The following SGO2 variants were observed in gnomAD, a reference collection of about 807,000 sequenced individuals.
SGO2 encodes the protein shugoshin 2, also known as shugoshin-like 2.
SGO2 carries 68 observed loss-of-function variants against 99.5 expected under a neutral mutation model. The ratio of observed to expected loss-of-function variants is 0.68; its 90% CI spans 0.56 to 0.84. SGO2 has a LOEUF of 0.84. Among genes scored for constraint, SGO2 ranks in the 40% least tolerant of loss-of-function variants. SGO2 has a pLI of 0.00. For synonymous variants in SGO2, 457 were observed against 487.1 expected, an observed-to-expected ratio of 0.94 and a Z score of 0.81; for missense variants, 1,350 against 1,436.7, an observed-to-expected ratio of 0.94 and a Z score of 0.97.
At chr2:200,571,021 T>G in intron 6 of SGO2, 29 bp from the exon 7 acceptor site, 1 of 1,523,766 alleles carries the variant, frequency 6.6e-7, no homozygotes, top group Non-Finnish European at 8.8e-7. Context: ...ATTACTTGTT[T>G]CTGAGTTTTG....
At chr2:200,551,283 C>T (rs990425622) in intron 5 of SGO2, among the ~76,000 whole-genome samples, 3 of 152,054 alleles carry the variant, frequency 2.0e-5, no homozygotes, top group Admixed American at 6.6e-5. Flanking sequence ...TACACAATGG[C>T]GTATTATTCA....
rs1040410561 is a variant in SGO2, at chr2:200,570,039, T to G, written c.703+147T>G. ...AACTTCTGCCATTTAAAACTGCTGGTGATAGATTTAATTTTAAAGTAAATA... is the reference window on the plus strand; with the variant it reads ...AACTTCTGCCATTTAAAACTGCTGGGGATAGATTTAATTTTAAAGTAAATA... On this transcript the variant is annotated intron_variant, in intron 6 of 8. Coordinates refer to ENST00000357799, the MANE Select transcript of SGO2 (RefSeq NM_152524.6). This position sits in a 1 kb window ranked among gnomAD's most constrained non-coding sequence, Gnocchi z 4.4. The G allele has an allele frequency of 8.6e-6, 5 of 583,008 alleles. No homozygotes were observed. The Admixed American group carries it at 1.7e-4, about 20-fold the overall frequency. 36.1% of individuals were successfully genotyped at this position (583,008 alleles called of 1,614,324 possible). A position where few individuals can be genotyped will look rare whatever the true frequency, so the allele number is the denominator to read the frequency against.
At chr2:200,530,020 G>A (rs2031296438) in intron 1 of SGO2, among the ~76,000 whole-genome samples, 1 of 152,226 alleles carries the variant, frequency 6.6e-6, no homozygotes, top group Non-Finnish European at 1.5e-5. Context: ...GCTAGATTTT[G>A]GTGGCCAGTA....
chr2:200,571,303 TA>T lies in SGO2; in HGVS notation c.958del (p.Thr320LeufsTer26). 1 of 1,613,102 alleles carries T rather than the reference TA, an allele frequency of 6.2e-7. No homozygotes were observed. Among genetic ancestry groups the T allele is most frequent in the South Asian group, 1.1e-5 (1 of 91,022 alleles). ...TAAATGGTCATACTAATGAAACAAATACTGAAATGCAAAGAAATAAACAGGA... is the reference window on the plus strand; with the variant it reads ...TAAATGGTCATACTAATGAAACAAATCTGAAATGCAAAGAAATAAACAGGA... ...EINGHTNETN[T>X]EMQRNKQDLP... On this transcript the variant is annotated frameshift_variant, in exon 7 of 9. Coordinates refer to ENST00000357799, the MANE Select transcript of SGO2 (RefSeq NM_152524.6). LOFTEE classifies it high-confidence loss of function.
intron 5 of SGO2, among the ~76,000 whole-genome samples, chr2:200,556,611 C>T (rs1483878678): frequency 6.6e-6 from 1 of 152,078 alleles, no homozygotes; most frequent in Non-Finnish European, 1.5e-5. Flanking sequence ...AGATATCAAC[C>T]AGAAAGTACT....
chr2:200,577,170 T>C (rs2033696449), intron 8 of SGO2, among the ~76,000 whole-genome samples: 1 of 152,198 alleles, frequency 6.6e-6, no homozygotes, highest in Non-Finnish European at 1.5e-5. Context: ...TTTTTAAAAA[T>C]TTCTCTTTAT....
At chr2:200,551,760 A>G (rs1445107062) in intron 5 of SGO2, among the ~76,000 whole-genome samples, 1 of 151,720 alleles carries the variant, frequency 6.6e-6, no homozygotes, top group Non-Finnish European at 1.5e-5. Context: ...TCCTTTTTCC[A>G]CCCCACTGCA....
Position 200,572,753 on chromosome 2 carries a change from A to C in SGO2, c.2407A>C (p.Lys803Gln), listed in dbSNP as rs2033490353. ...GCAACCTGCTTGTCAAAATGATTCA[A>C]AAATAGGTAAGAAGCCTAGACTAAA... The part of the protein sequence containing the change: ...DMQPACQNDS[K>Q]IGKKPRLNVC... Residue 803 changes from lysine (K) to glutamine (Q), a missense_variant, in exon 7 of 9, where the codon AAA becomes CAA. Coordinates refer to ENST00000357799, the MANE Select transcript of SGO2 (RefSeq NM_152524.6). The C allele has an allele frequency of 1.2e-6, 2 of 1,612,974 alleles. No homozygotes were observed. Among genetic ancestry groups the C allele is most frequent in the Non-Finnish European group, 8.5e-7 (1 of 1,179,452 alleles).
intron 4 of SGO2, among the ~76,000 whole-genome samples, 184 bp from the exon 5 acceptor site, chr2:200,542,395 G>A (rs538901240): frequency 3.3e-5 from 5 of 152,148 alleles, no homozygotes; most frequent in East Asian, 3.9e-4. Flanking sequence ...ATTATCTTTC[G>A]TTGGCATGAT....
intron 5 of SGO2, among the ~76,000 whole-genome samples, chr2:200,557,046 A>G (rs1429362225): frequency 1.3e-5 from 2 of 152,186 alleles, no homozygotes; most frequent in African/African-American, 4.8e-5. Flanking sequence ...AGGGGAGGAA[A>G]AAGCTCCCCA....
rs779271081 is a variant in SGO2 at position 200,570,976 on chromosome 2, C to T, written c.704-74C>T. ...TTATATCTGTGAAACAGCTTGATTTCGAATCTAATTTGTTTAAGGTAACTT... is the reference window on the plus strand; with the variant it reads ...TTATATCTGTGAAACAGCTTGATTTTGAATCTAATTTGTTTAAGGTAACTT... On this transcript the variant is annotated intron_variant, in intron 6 of 8. Transcript: ENST00000357799. The surrounding 1 kb of genome is among the most constrained non-coding windows in gnomAD (Gnocchi z 4.4). 1.1e-5 allele frequency: 15 copies of T among 1,347,896 alleles called. No homozygotes were observed. The Admixed American group carries it at 2.0e-4, about 18-fold the overall frequency. 83.5% of individuals were successfully genotyped at this position (1,347,896 alleles called of 1,614,324 possible). A position where few individuals can be genotyped will look rare whatever the true frequency, so the allele number is the denominator to read the frequency against.
At chr2:200,557,287 A>G (rs2032757531) in intron 5 of SGO2, among the ~76,000 whole-genome samples, 1 of 152,096 alleles carries the variant, frequency 6.6e-6, no homozygotes, top group Non-Finnish European at 1.5e-5. Flanking sequence ...CTTGCCTTTT[A>G]TTAAGAGGGG....
intron 1 of SGO2, among the ~76,000 whole-genome samples, chr2:200,530,750 A>G (rs577918459): frequency 5.3e-5 from 8 of 152,354 alleles, no homozygotes; most frequent in African/African-American, 9.6e-5. Flanking sequence ...AATTAACCAC[A>G]TTAAAATGCT....
chr2:200,537,037 A>G (rs146378201), intron 4 of SGO2, among the ~76,000 whole-genome samples: 3 of 152,174 alleles, frequency 2.0e-5, no homozygotes, highest in Non-Finnish European at 2.9e-5. Context: ...GATGTTCTAT[A>G]CCTTTTTATG....
intron 7 of SGO2, among the ~76,000 whole-genome samples, chr2:200,574,754 T>G (rs570591024): frequency 2.0e-5 from 3 of 152,188 alleles, no homozygotes; most frequent in East Asian, 3.9e-4. Flanking sequence ...CCATTTACCA[T>G]GTGCATGCAG....
intron 7 of SGO2, 33 bp from the exon 8 acceptor site, chr2:200,575,278 A>T (rs770164326): frequency 6.4e-6 from 9 of 1,413,366 alleles, no homozygotes; most frequent in East Asian, 2.4e-5. Flanking sequence ...TATACTTTTT[A>T]AAATATTTGT....
At chr2:200,542,428 CTTA>C in intron 4 of SGO2, 148 bp from the exon 5 acceptor site, 2 of 525,054 alleles carry the variant, frequency 3.8e-6, no homozygotes, top group South Asian at 4.4e-5. Context: ...GTGTTTTAAC[CTTA>C]TTATCACATT....
At chr2:200,542,702 T>C in intron 5 of SGO2, 38 bp downstream of exon 5, 2 of 1,515,374 alleles carry the variant, frequency 1.3e-6, no homozygotes, top group Non-Finnish European at 1.8e-6. Flanking sequence ...TCAGAGTATA[T>C]AGATTTTATA....
At chr2:200,528,192 G>A (rs1404801307) in intron 1 of SGO2, among the ~76,000 whole-genome samples, 1 of 152,196 alleles carries the variant, frequency 6.6e-6, no homozygotes, top group East Asian at 1.9e-4. Flanking sequence ...GAGATGGAAA[G>A]CTACTGGAGA....
Sources: allele counts gnomAD v4.1 joint callset (sites outside exome capture counted in the v4.1 genomes callset), GRCh38; gene constraint gnomAD v4.1.1; non-coding constraint Gnocchi (gnomAD v3.1); transcripts MANE v1.5; gene names NCBI Gene and HGNC (gene_info 2026-07-23, HGNC 2026-07-21).